KCNAB2: variants seen among roughly 807,000 people sequenced by gnomAD.
KCNAB2 encodes the protein potassium voltage-gated channel subfamily A regulatory beta subunit 2, also known as voltage-gated potassium channel subunit beta-2.
In KCNAB2, 29 loss-of-function variants were observed where a neutral mutation model predicts 63.6. That is an observed-to-expected ratio of 0.46 (90% CI 0.34 to 0.62). The LOEUF is 0.62. Among genes scored for constraint, KCNAB2 ranks in the 20% least tolerant of loss-of-function variants. The probability of loss-of-function intolerance (pLI) is 0.01; values close to 1 mark genes in which losing one functional copy is unlikely to be tolerated. For synonymous variants in KCNAB2, 222 were observed against 224.2 expected (o/e 0.99, Z 0.09); for missense variants, 359 against 563.9 (o/e 0.64, Z 3.68).
intron 2 of KCNAB2, 111 bp from the exon 3 acceptor site, chr1:6,072,644 C>A: frequency 8.3e-7 from 1 of 1,201,950 alleles, no homozygotes; most frequent in Non-Finnish European, 1.2e-6. Flanking sequence ...AGCCTCCAAA[C>A]ACACATTGAC....
chr1:6,001,049 C>T (rs960913368), intron 1 of KCNAB2, among the ~76,000 whole-genome samples: 7 of 152,060 alleles, frequency 4.6e-5, no homozygotes, highest in Non-Finnish European at 8.8e-5. Flanking sequence ...GGTCCAAAGG[C>T]GCAGAGACAG....
chr1:5,993,835 T>C lies in KCNAB2; in HGVS notation c.-53+1047T>C, dbSNP rs548734638. ...GTAACTTTCTTGCTTCCTGTCGTGA[T>C]AGGGACCTGGCTACGGAGCTGAAGG... On this transcript the variant is annotated intron_variant, in intron 1 of 16. Transcript: ENST00000341524. Among the ~76,000 whole-genome samples, 8 of 152,302 alleles carry C rather than the reference T, an allele frequency of 5.3e-5. No homozygotes were observed. In the East Asian group the frequency reaches 1.5e-3, roughly 29 times the overall value.
chr1:6,087,401 G>A lies in KCNAB2; in HGVS notation c.426-66G>A, dbSNP rs1234394101. On this transcript the variant is annotated intron_variant, in intron 6 of 15. Coordinates refer to ENST00000378083, the MANE Select transcript of KCNAB2 (RefSeq NM_001199862.2). The surrounding 1 kb of genome is among the most constrained non-coding windows in gnomAD (Gnocchi z 6.4). The stretch of plus-strand genomic sequence containing the variant: ...CCTCTGTGTGAGAGATGAGGACGTC[G>A]GGGATGAAGGAGGACCCCCCAGGGG... 6.5e-6 allele frequency: 10 copies of A among 1,544,612 alleles called. No individual in the cohort carries two copies. The highest frequency in any genetic ancestry group is 3.3e-5 in the Admixed American group (2 of 59,910).
intron 1 of KCNAB2, among the ~76,000 whole-genome samples, chr1:6,039,177 G>T (rs1161573525): frequency 6.6e-6 from 1 of 152,242 alleles, no homozygotes; most frequent in Non-Finnish European, 1.5e-5. Flanking sequence ...CAGCCAGTAG[G>T]AGAGGAGCCG....
chr1:6,074,754 G>A lies in KCNAB2; in HGVS notation c.300+984G>A, dbSNP rs757653799. On this transcript the variant is annotated intron_variant, in intron 4 of 15. Transcript: ENST00000378083. The surrounding 1 kb of genome is among the most constrained non-coding windows in gnomAD (Gnocchi z 4.9). ...GCGGGCGGATCACCTGAGGTCAGGAGTTCCAGCCTGGCCAACATGGTGAAA... is the reference window on the plus strand; with the variant it reads ...GCGGGCGGATCACCTGAGGTCAGGAATTCCAGCCTGGCCAACATGGTGAAA... 1.3e-5 allele frequency among the ~76,000 whole-genome samples: 2 copies of A among 152,134 alleles called. No homozygotes were observed. Among genetic ancestry groups the A allele is most frequent in the Non-Finnish European group, 2.9e-5 (2 of 68,022 alleles).
chr1:6,097,679 G>A, intron 15 of KCNAB2: 1 of 563,426 alleles, frequency 1.8e-6, no homozygotes, highest in Non-Finnish European at 3.2e-6. Context: ...AGGTGGGCTT[G>A]TTGAGAAGGT....
At chr1:6,042,359 C>T (rs4908728), upstream of KCNAB2, among the ~76,000 whole-genome samples, 22,825 of 152,122 alleles carry the variant, frequency 0.15, 1,802 homozygotes, top group Middle Eastern at 0.19. Context: ...AGTACTGATA[C>T]GACGTGGATC....
intron 10 of KCNAB2, among the ~76,000 whole-genome samples, chr1:6,093,383 G>T (rs984219544): frequency 6.6e-6 from 1 of 152,226 alleles, no homozygotes; most frequent in Admixed American, 6.5e-5. Flanking sequence ...TTGAAATTTC[G>T]ACGCCAAGTT....
intron 2 of KCNAB2, among the ~76,000 whole-genome samples, chr1:6,061,039 C>T (rs979385202): frequency 6.6e-6 from 1 of 152,192 alleles, no homozygotes; most frequent in Non-Finnish European, 1.5e-5. Context: ...AGGAGCTGGC[C>T]GGCCCCAGCT....
At chr1:6,094,609 T>G (rs1023809520) in intron 11 of KCNAB2, 124 bp downstream of exon 11, 2 of 732,318 alleles carry the variant, frequency 2.7e-6, no homozygotes, top group African/African-American at 3.5e-5. Flanking sequence ...GCCTGGGTGC[T>G]AAGGGAGGGA....
In KCNAB2 at chr1:6,096,126, A is replaced by G. The variant is rs1271999725; in HGVS notation, c.948+502A>G. ...GGCCAAGAAAGTCTGCCCAGCCAGC[A>G]GTCTCAGCACTGGGGCCCACAGCCC... On this transcript the variant is annotated intron_variant, in intron 13 of 15. Transcript: ENST00000378083. The surrounding 1 kb of genome is among the most constrained non-coding windows in gnomAD (Gnocchi z 5.9). 4.4e-6 allele frequency: 2 copies of G among 457,504 alleles called. No homozygotes were observed. Among genetic ancestry groups the G allele is most frequent in the Non-Finnish European group, 8.8e-6 (2 of 227,824 alleles). 28.3% of individuals were successfully genotyped at this position (457,504 alleles called of 1,614,324 possible).
chr1:6,071,882 C>T lies in KCNAB2; in HGVS notation c.219-873C>T, dbSNP rs1663234728. ...CTCCTGCCGCGTGGGCTCCTCCTGCCGCGTAGGGCTCCTCCTGCCGCGTAG... is the reference window on the plus strand; with the variant it reads ...CTCCTGCCGCGTGGGCTCCTCCTGCTGCGTAGGGCTCCTCCTGCCGCGTAG... On this transcript the variant is annotated intron_variant, in intron 2 of 15. Coordinates refer to ENST00000378083, the MANE Select transcript of KCNAB2 (RefSeq NM_001199862.2). The surrounding 1 kb of genome is among the most constrained non-coding windows in gnomAD (Gnocchi z 8.5). Among the ~76,000 whole-genome samples the T allele has an allele frequency of 6.6e-6, 1 of 150,558 alleles. No homozygotes were observed. Among genetic ancestry groups the T allele is most frequent in the Non-Finnish European group, 1.5e-5 (1 of 67,792 alleles).
At chr1:6,060,127 C>T (rs1662187026) in intron 2 of KCNAB2, among the ~76,000 whole-genome samples, 1 of 152,236 alleles carries the variant, frequency 6.6e-6, no homozygotes, top group African/African-American at 2.4e-5. Flanking sequence ...CTGCTGCTGC[C>T]TCACAGGCTC....
At position 6,085,993 on chromosome 1, in the gene KCNAB2, G is replaced by T. The variant is rs1664667283; in HGVS notation, c.425+745G>T. 4 of 985,356 alleles carry T rather than the reference G, an allele frequency of 4.1e-6. No individual in the cohort carries two copies. In the South Asian group the frequency reaches 1.9e-4, roughly 46 times the overall value. 61.0% of individuals were successfully genotyped at this position (985,356 alleles called of 1,614,324 possible). A position where few individuals can be genotyped will look rare whatever the true frequency, so the allele number is the denominator to read the frequency against. On this transcript the variant is annotated intron_variant, in intron 6 of 15. Coordinates refer to ENST00000378083, the MANE Select transcript of KCNAB2 (RefSeq NM_001199862.2). ...GGCCATCCACCCTTCTCTCCCAGGA[G>T]CCTATGGGCCCTTCCCAGGCCAAGG...
intron 1 of KCNAB2, among the ~76,000 whole-genome samples, chr1:6,013,835 C>T (rs1330722825): frequency 2.0e-5 from 3 of 152,152 alleles, no homozygotes; most frequent in Non-Finnish European, 2.9e-5. Flanking sequence ...GCAGTCGGTT[C>T]TCAGTGATCT....
At chr1:6,059,167 G>A (rs542141273) in intron 2 of KCNAB2, among the ~76,000 whole-genome samples, 27 of 150,778 alleles carry the variant, frequency 1.8e-4, no homozygotes, top group Non-Finnish European at 3.2e-4. Context: ...CAGGAATCAC[G>A]GGCCATACCT....
intron 2 of KCNAB2, among the ~76,000 whole-genome samples, chr1:6,070,796 T>C (rs940127330): frequency 1.3e-5 from 2 of 152,000 alleles, no homozygotes; most frequent in Non-Finnish European, 2.9e-5. Flanking sequence ...AAATGCCCGG[T>C]GTCCTCCAGC....
At chr1:6,054,460 T>G (rs1051463358) in intron 2 of KCNAB2, among the ~76,000 whole-genome samples, 1 of 152,172 alleles carries the variant, frequency 6.6e-6, no homozygotes, top group South Asian at 2.1e-4. Flanking sequence ...CAAAAGCCTG[T>G]CTCTACTAAA....
At chr1:6,059,884 C>A (rs1662161492) in intron 2 of KCNAB2, among the ~76,000 whole-genome samples, 1 of 152,178 alleles carries the variant, frequency 6.6e-6, no homozygotes, top group Non-Finnish European at 1.5e-5. Flanking sequence ...ACATGGCCTG[C>A]AGGAGGCCTT....
Sources: gnomAD v4.1 joint callset for allele counts (sites outside exome capture counted in the v4.1 genomes callset) on GRCh38, gnomAD v4.1.1 for gene constraint, Gnocchi (gnomAD v3.1) non-coding constraint, MANE v1.5 for transcripts, NCBI Gene and HGNC (gene_info 2026-07-23, HGNC 2026-07-21) for gene names.